CTNNA1: variants seen among roughly 807,000 people sequenced by gnomAD.
CTNNA1 encodes catenin alpha 1.
CTNNA1 carries 37 observed loss-of-function variants against 98.4 expected under a neutral mutation model. The observed-to-expected ratio is 0.38, with a 90% CI of 0.29 to 0.49. The LOEUF (loss-of-function observed/expected upper bound fraction) is 0.49, where lower values mean the gene tolerates loss of function less well. Ranked by LOEUF, CTNNA1 falls within the 20% of genes least tolerant of loss-of-function variation. CTNNA1 has a pLI of 0.95. For synonymous variants in CTNNA1, 404 were observed against 413.2 expected (o/e 0.98, Z 0.27); for missense variants, 761 against 1,147.2 (o/e 0.66, Z 4.86).
At chr5:138,868,452 G>A (rs1765005439) in intron 7 of CTNNA1, among the ~76,000 whole-genome samples, 1 of 152,158 alleles carries the variant, frequency 6.6e-6, no homozygotes. Flanking sequence ...TCCTAGGAGT[G>A]GCATGGAAGG....
chr5:138,810,266 C>G, intron 4 of CTNNA1, 62 bp downstream of exon 4: 1 of 1,550,368 alleles, frequency 6.5e-7, no homozygotes, highest in Non-Finnish European at 8.9e-7. Context: ...ACTGGCCTTC[C>G]TTAGTTCAGT....
At chr5:138,925,217 C>A in intron 12 of CTNNA1, 39 bp from the exon 13 acceptor site, 1 of 1,600,458 alleles carries the variant, frequency 6.2e-7, no homozygotes, top group Non-Finnish European at 8.5e-7. Flanking sequence ...ATGATGCTGC[C>A]TGCTGACCAG....
chr5:138,852,901 C>T (rs1581272677), intron 7 of CTNNA1, among the ~76,000 whole-genome samples: 1 of 78,386 alleles, frequency 1.3e-5, no homozygotes, highest in Non-Finnish European at 2.8e-5. Flanking sequence ...AGGTGTTTGC[C>T]TGATCAAAGT....
chr5:138,887,538 A>G lies in CTNNA1; in HGVS notation c.1192A>G (p.Asn398Asp), dbSNP rs773003463. 72 of 1,611,558 alleles carry G rather than the reference A, an allele frequency of 4.5e-5. No individual in the cohort carries two copies. Among genetic ancestry groups the G allele is most frequent in the East Asian group, 1.3e-4 (6 of 44,794 alleles). The change falls in exon 9 of 18, where the codon AAT becomes GAT. Residue 398 changes from asparagine to aspartate, a missense_variant. Physicochemically the swap from Asn to Asp is conservative, Grantham distance 23. This residue lies in a region of CTNNA1 where 287 missense variants were observed against 436.0 expected (regional missense o/e 0.66). Coordinates refer to ENST00000302763, the MANE Select transcript of CTNNA1 (RefSeq NM_001903.5). ...CGTTTCAGATTCTTTCCTGGAAACC[A>G]ATGTTCCACTTTTGGTATTGATTGA... Reference protein sequence around the residue: ...DHVSDSFLETNVPLLVLIEAA... With the variant: ...DHVSDSFLETDVPLLVLIEAA...
chr5:138,786,950 G>A (rs867018865), intron 3 of CTNNA1, among the ~76,000 whole-genome samples: 2 of 152,156 alleles, frequency 1.3e-5, no homozygotes, highest in Admixed American at 6.5e-5. Flanking sequence ...GAGCATTTAC[G>A]TAAAACCCTG....
chr5:138,783,803 G>T (rs1755393747), intron 3 of CTNNA1, among the ~76,000 whole-genome samples: 1 of 152,126 alleles, frequency 6.6e-6, no homozygotes, highest in South Asian at 2.1e-4. Flanking sequence ...TGATAAAATG[G>T]AAAAATATCT....
intron 11 of CTNNA1, among the ~76,000 whole-genome samples, chr5:138,918,455 C>G (rs571120417): frequency 6.6e-6 from 1 of 152,136 alleles, no homozygotes; most frequent in African/African-American, 2.4e-5. Flanking sequence ...CCTACTTTTC[C>G]AAAGACTTTC....
chr5:138,910,613 C>T (rs900301730), intron 10 of CTNNA1, among the ~76,000 whole-genome samples: 6 of 152,056 alleles, frequency 3.9e-5, no homozygotes, highest in Middle Eastern at 6.8e-3. Flanking sequence ...AAATTTCCCT[C>T]GAAGCACTGT....
intron 7 of CTNNA1, 96 bp from the exon 8 acceptor site, chr5:138,886,116 G>T (rs150990228): frequency 5.9e-6 from 8 of 1,365,238 alleles, no homozygotes; most frequent in Middle Eastern, 3.9e-4. Context: ...AAGTTGTACT[G>T]CTTTTTCAGT....
intron 5 of CTNNA1, among the ~76,000 whole-genome samples, chr5:138,815,956 G>T (rs751103672): frequency 4.6e-5 from 7 of 152,184 alleles, no homozygotes; most frequent in Non-Finnish European, 1.0e-4. Context: ...GGCCCAGCCT[G>T]ATGGAAACTT....
intron 7 of CTNNA1, among the ~76,000 whole-genome samples, chr5:138,846,377 G>A (rs1762731084): frequency 6.6e-6 from 1 of 152,186 alleles, no homozygotes; most frequent in Admixed American, 6.5e-5. Flanking sequence ...TGAATTTTAG[G>A]TGACCTATAT....
At chr5:138,812,752 T>G (rs1758969937) in intron 5 of CTNNA1, among the ~76,000 whole-genome samples, 1 of 152,226 alleles carries the variant, frequency 6.6e-6, no homozygotes, top group African/African-American at 2.4e-5. Flanking sequence ...TTGTTATTAG[T>G]ATTTTCCATT....
intron 3 of CTNNA1, among the ~76,000 whole-genome samples, chr5:138,801,855 C>G (rs1186893456): frequency 6.6e-6 from 1 of 152,158 alleles, no homozygotes; most frequent in African/African-American, 2.4e-5. Context: ...GAAGAAATAG[C>G]TGATTGTGGA....
At chr5:138,777,424 G>A (rs1332142387) in intron 1 of CTNNA1, among the ~76,000 whole-genome samples, 45 of 151,296 alleles carry the variant, frequency 3.0e-4, no homozygotes, top group African/African-American at 1.0e-3. Flanking sequence ...TGGGCGGCCA[G>A]GCAGAGACGC....
rs188613577 is a variant in CTNNA1 at position 138,788,620 on chromosome 5, G to A, written c.301+5248G>A. ...TGTACATTTTAACAGTAGATAAAGA[G>A]TAGCAGCTGCCTTGTGGTACATAAA... On this transcript the variant is annotated intron_variant, in intron 3 of 17. Transcript: ENST00000302763. 3.6e-3 allele frequency among the ~76,000 whole-genome samples: 544 copies of A among 152,284 alleles called. 1 individual carries two copies. The highest frequency in any genetic ancestry group is 6.3e-3 in the Non-Finnish European group (430 of 68,030).
intron 7 of CTNNA1, chr5:138,881,094 C>A (rs969917007): frequency 2.2e-6 from 1 of 456,174 alleles, no homozygotes; most frequent in African/African-American, 2.0e-5. Flanking sequence ...CCTTGTATTG[C>A]ACATTGCTGA....
intron 10 of CTNNA1, among the ~76,000 whole-genome samples, chr5:138,913,425 A>C (rs1271522463): frequency 6.6e-6 from 1 of 152,048 alleles, no homozygotes; most frequent in African/African-American, 2.4e-5. Context: ...CTCTACTAAA[A>C]ATACAAAAAT....
At chr5:138,881,483 A>G (rs988119780) in intron 7 of CTNNA1, among the ~76,000 whole-genome samples, 1 of 152,256 alleles carries the variant, frequency 6.6e-6, no homozygotes, top group African/African-American at 2.4e-5. Flanking sequence ...AGCCCTACTC[A>G]TGAAGACATG....
rs774114956 is a variant in CTNNA1, at chr5:138,873,784, G to A, written c.1063-12428G>A. On this transcript the variant is annotated intron_variant, in intron 7 of 17. Transcript: ENST00000302763. The surrounding 1 kb of genome is among the most constrained non-coding windows in gnomAD (Gnocchi z 6.1). ...TGGCTTTGATTTCATTTCCAGTCAG[G>A]TCTAGCTTTTCTAAAGTGCCCCAGG... 1.9e-6 allele frequency: 3 copies of A among 1,613,978 alleles called. No homozygotes were observed. The South Asian group carries it at 3.3e-5, about 18-fold the overall frequency.
Sources: gnomAD v4.1 joint callset for allele counts (sites outside exome capture counted in the v4.1 genomes callset) on GRCh38, gnomAD v4.1.1 for gene constraint, gnomAD v4.1.1 regional missense constraint, Gnocchi (gnomAD v3.1) non-coding constraint, MANE v1.5 for transcripts, NCBI Gene and HGNC (gene_info 2026-07-23, HGNC 2026-07-21) for gene names.